KCNQ1: variants seen among roughly 807,000 people sequenced by gnomAD.
KCNQ1 encodes the protein potassium voltage-gated channel subfamily KQT member 1.
Under a neutral mutation model 72.4 loss-of-function variants are expected in KCNQ1, and 49 were observed. The observed-to-expected ratio is 0.68, with a 90% confidence interval of 0.54 to 0.86. The LOEUF (loss-of-function observed/expected upper bound fraction) is 0.86. Ranked by LOEUF, KCNQ1 falls within the 40% of genes least tolerant of loss-of-function variation. The pLI is 0.00. For missense variants in KCNQ1, 790 were observed against 945.1 expected (o/e 0.84, Z 2.15); for synonymous variants, 450 against 412.6 (o/e 1.09, Z -1.10).
In KCNQ1 at chr11:2,567,784, C is replaced by T. The variant is rs149674359; in HGVS notation, c.478-2844C>T. On this transcript the variant is annotated intron_variant, in intron 2 of 15. Transcript: ENST00000155840. The surrounding 1 kb of genome is among the most constrained non-coding windows in gnomAD (Gnocchi z 6.6). Reference sequence around the variant, plus strand: ...CCTTGTCCCACAGGCAGGAGTCCTGCCATCTTCGAAGGCCAGCCCCTAAAC... The same window carrying T: ...CCTTGTCCCACAGGCAGGAGTCCTGTCATCTTCGAAGGCCAGCCCCTAAAC... Among the ~76,000 whole-genome samples, 102 of 152,310 alleles carry T rather than the reference C, an allele frequency of 6.7e-4. 2 individuals are homozygous for T. The East Asian group carries it at 0.018, about 27-fold the overall frequency.
intron 10 of KCNQ1, chr11:2,609,239 C>A (rs1279158628): frequency 1.8e-5 from 7 of 398,102 alleles, no homozygotes; most frequent in Non-Finnish European, 4.4e-6. Flanking sequence ...TTTCATTAAT[C>A]TCAAAGTACG....
chr11:2,510,973 C>T (rs1290305835), intron 1 of KCNQ1, among the ~76,000 whole-genome samples: 4 of 152,266 alleles, frequency 2.6e-5, no homozygotes, highest in African/African-American at 9.6e-5. Context: ...ACACCAGCTC[C>T]TGGGGCAGCC....
chr11:2,688,707 G>C, intron 11 of KCNQ1: 1 of 399,034 alleles, frequency 2.5e-6, no homozygotes, highest in Non-Finnish European at 4.4e-6. Context: ...AGCTGGGGCT[G>C]GCATACAAAT....
intron 15 of KCNQ1, among the ~76,000 whole-genome samples, chr11:2,812,540 A>G (rs1208300572): frequency 6.6e-6 from 1 of 152,202 alleles, no homozygotes; most frequent in African/African-American, 2.4e-5. Context: ...AACAGCATGT[A>G]TGAAGGCAGA....
intron 15 of KCNQ1, among the ~76,000 whole-genome samples, chr11:2,780,526 T>C (rs1846805123): frequency 6.6e-6 from 1 of 152,174 alleles, no homozygotes; most frequent in Admixed American, 6.5e-5. Flanking sequence ...CCCGCTGGTC[T>C]GGCTGCCTGC....
Position 2,653,214 on chromosome 11 carries a change from G to A in KCNQ1, c.1394-8747G>A, listed in dbSNP as rs1037039611. ...GTGCTGTTGCAGGGCTAGGGCCAGG[G>A]CCTTGGCCTCAGGCCAGCTTCTTTC... On this transcript the variant is annotated intron_variant, in intron 10 of 15. Transcript: ENST00000155840. This position sits in a 1 kb window ranked among gnomAD's most constrained non-coding sequence, Gnocchi z 5.3. 2.5e-5 allele frequency: 10 copies of A among 398,770 alleles called. No individual in the cohort carries two copies. In the East Asian group the frequency reaches 3.6e-4, roughly 14 times the overall value. The allele number at this position is 398,770 out of a possible 1,614,324, so 24.7% of individuals were successfully genotyped here. A position where few individuals can be genotyped will look rare whatever the true frequency, so the allele number is the denominator to read the frequency against.
intron 11 of KCNQ1, chr11:2,681,238 G>C (rs1224401378): frequency 1.5e-5 from 6 of 398,484 alleles, no homozygotes; most frequent in Non-Finnish European, 2.2e-5. Flanking sequence ...GGAAGCAGGA[G>C]AGTATTCCTG....
At position 2,566,764 on chromosome 11, in the gene KCNQ1, GGGCTTGCAGGCA is replaced by G. The variant is rs1290744447; in HGVS notation, c.478-3863_478-3852del. Among the ~76,000 whole-genome samples, 1 of 152,160 alleles carries G rather than the reference GGGCTTGCAGGCA, an allele frequency of 6.6e-6. No homozygotes were observed. Among genetic ancestry groups the G allele is most frequent in the East Asian group, 1.9e-4 (1 of 5,188 alleles). ...GGGCCATTGCATCCTTGACCCCGGG[GGGCTTGCAGGCA>G]CCACATAGATCTTGTGAGAGGCGCT... On this transcript the variant is annotated intron_variant, in intron 2 of 15. Transcript: ENST00000155840. The surrounding 1 kb of genome is among the most constrained non-coding windows in gnomAD (Gnocchi z 6.7).
chr11:2,741,008 G>A (rs914047307), intron 11 of KCNQ1, among the ~76,000 whole-genome samples: 1 of 152,198 alleles, frequency 6.6e-6, no homozygotes, highest in African/African-American at 2.4e-5. Context: ...ATTGAGTGAC[G>A]CATGCGTGAG....
At chr11:2,454,857 C>A (rs544256080) in intron 1 of KCNQ1, among the ~76,000 whole-genome samples, 1 of 152,140 alleles carries the variant, frequency 6.6e-6, no homozygotes, top group African/African-American at 2.4e-5. Context: ...AGAATAGGAA[C>A]AAGACAAGGA....
Position 2,662,557 on chromosome 11 carries a change from CCT to C in KCNQ1, c.1514+477_1514+478del, listed in dbSNP as rs1397198046. ...TTCCACGCCTTCCAGTTGGCCTTCC[CCT>C]GAGGCACAGCTGGCCTGGGATGCAT... On this transcript the variant is annotated intron_variant, in intron 11 of 15. Coordinates refer to ENST00000155840, the MANE Select transcript of KCNQ1 (RefSeq NM_000218.3). The C allele has an allele frequency of 9.3e-6, 4 of 428,480 alleles. No individual in the cohort carries two copies. The South Asian group carries it at 3.5e-4, about 37-fold the overall frequency. The allele number at this position is 428,480 out of a possible 1,614,324, so 26.5% of individuals were successfully genotyped here.
chr11:2,667,236 C>G, intron 11 of KCNQ1: 1 of 398,712 alleles, frequency 2.5e-6, no homozygotes. Context: ...TTCACTTCCT[C>G]CGTCTGAGCA....
intron 2 of KCNQ1, among the ~76,000 whole-genome samples, chr11:2,540,091 C>T (rs74800202): frequency 1.3e-5 from 2 of 152,114 alleles, no homozygotes; most frequent in African/African-American, 2.4e-5. Context: ...TAATAGGATC[C>T]ACCCTGTGGG....
chr11:2,690,820 C>G lies in KCNQ1; in HGVS notation c.1514+28739C>G. 1 of 398,616 alleles carries G rather than the reference C, an allele frequency of 2.5e-6. No homozygotes were observed. Among genetic ancestry groups the G allele is most frequent in the Non-Finnish European group, 4.4e-6 (1 of 226,102 alleles). The allele number at this position is 398,616 out of a possible 1,614,324, so 24.7% of individuals were successfully genotyped here. ...TCCCTGTCTCCTTGGCTTCCAGCTT[C>G]CAGGCTCTGGCACTCCCACTGTTAG... On this transcript the variant is annotated intron_variant, in intron 11 of 15. Coordinates refer to ENST00000155840, the MANE Select transcript of KCNQ1 (RefSeq NM_000218.3). This position sits in a 1 kb window ranked among gnomAD's most constrained non-coding sequence, Gnocchi z 5.1.
chr11:2,501,227 A>G lies in KCNQ1; in HGVS notation c.387-26701A>G, dbSNP rs1168116401. On this transcript the variant is annotated intron_variant, in intron 1 of 15. Coordinates refer to ENST00000155840, the MANE Select transcript of KCNQ1 (RefSeq NM_000218.3). ...TGAAGTGAAGAAAACAAGACAAAAGATCAACAAAATAAAAAGTTGGTTTTT... is the reference window on the plus strand; with the variant it reads ...TGAAGTGAAGAAAACAAGACAAAAGGTCAACAAAATAAAAAGTTGGTTTTT... 2.1e-5 allele frequency among the ~76,000 whole-genome samples: 3 copies of G among 140,852 alleles called. No homozygotes were observed. In the East Asian group the frequency reaches 6.2e-4, roughly 29 times the overall value. The allele number at this position is 140,852 out of a possible 152,430, so 92.4% of individuals were successfully genotyped here.
In KCNQ1 at chr11:2,678,941, T is replaced by A. The variant is rs1850340966; in HGVS notation, c.1514+16860T>A. On this transcript the variant is annotated intron_variant, in intron 11 of 15. Coordinates refer to ENST00000155840, the MANE Select transcript of KCNQ1 (RefSeq NM_000218.3). The surrounding 1 kb of genome is among the most constrained non-coding windows in gnomAD (Gnocchi z 4.9). ...CAGGGCATCTTGGAAAAACTGAATT[T>A]GCTAACTCAATAGAGAACAAAAGAG... The A allele has an allele frequency of 2.5e-6, 1 of 398,580 alleles. No individual in the cohort carries two copies. Among genetic ancestry groups the A allele is most frequent in the Non-Finnish European group, 4.4e-6 (1 of 226,064 alleles). The allele number at this position is 398,580 out of a possible 1,614,324, so 24.7% of individuals were successfully genotyped here. A position where few individuals can be genotyped will look rare whatever the true frequency, so the allele number is the denominator to read the frequency against.
intron 12 of KCNQ1, among the ~76,000 whole-genome samples, chr11:2,771,817 G>A (rs1846604295): frequency 6.6e-6 from 1 of 152,178 alleles, no homozygotes; most frequent in Non-Finnish European, 1.5e-5. Flanking sequence ...TGGTCCCTGG[G>A]GAGGAACACA....
chr11:2,526,022 C>T lies in KCNQ1; in HGVS notation c.387-1906C>T, dbSNP rs1564806651. Among the ~76,000 whole-genome samples the T allele has an allele frequency of 6.6e-6, 1 of 152,138 alleles. No homozygotes were observed. Among genetic ancestry groups the T allele is most frequent in the Non-Finnish European group, 1.5e-5 (1 of 68,020 alleles). On this transcript the variant is annotated intron_variant, in intron 1 of 15. Coordinates refer to ENST00000155840, the MANE Select transcript of KCNQ1 (RefSeq NM_000218.3). The surrounding 1 kb of genome is among the most constrained non-coding windows in gnomAD (Gnocchi z 6.1). ...GCCAGGGTCAGACATCAGAGCTGGC[C>T]TCTGCCTATGAGACAGGGCCCGCTG...
At chr11:2,474,770 C>A (rs757481209) in intron 1 of KCNQ1, among the ~76,000 whole-genome samples, 2 of 81,570 alleles carry the variant, frequency 2.5e-5, no homozygotes, top group East Asian at 4.1e-4. Flanking sequence ...TAGGTTAAGG[C>A]GAGAAGGAGG....
Sources: allele counts gnomAD v4.1 joint callset (sites outside exome capture counted in the v4.1 genomes callset), GRCh38; gene constraint gnomAD v4.1.1; non-coding constraint Gnocchi (gnomAD v3.1); transcripts MANE v1.5; gene names NCBI Gene and HGNC (gene_info 2026-07-23, HGNC 2026-07-21).